Variants in FOCAD observed in about 807,000 individuals in gnomAD.
FOCAD encodes the protein focadhesin, also known as KIAA1797.
Under a neutral mutation model 225.6 loss-of-function variants are expected in FOCAD, and 198 were observed. That is an observed-to-expected ratio of 0.88 (90% CI 0.78 to 0.99). The LOEUF (loss-of-function observed/expected upper bound fraction) is 0.99. Ranked by LOEUF, FOCAD falls within the 50% of genes least tolerant of loss-of-function variation. The probability of loss-of-function intolerance (pLI) is 0.00; values close to 1 mark genes in which losing one functional copy is unlikely to be tolerated. For missense variants in FOCAD, 2,713 were observed against 2,123.6 expected (o/e 1.28, Z -5.46); for synonymous variants, 897 against 755.0 (o/e 1.19, Z -3.08).
At chr9:20,847,098 G>T (rs1827190714) in intron 15 of FOCAD, among the ~76,000 whole-genome samples, 1 of 152,028 alleles carries the variant, frequency 6.6e-6, no homozygotes, top group African/African-American at 2.4e-5. Flanking sequence ...ATACAGTTCA[G>T]CCATTTTAAT....
chr9:20,738,008 A>G (rs1394193672), intron 4 of FOCAD, among the ~76,000 whole-genome samples: 1 of 152,224 alleles, frequency 6.6e-6, no homozygotes, highest in Non-Finnish European at 1.5e-5. Context: ...ACTGGAGGAT[A>G]TAGTGGGAGA....
chr9:20,884,680 T>C (rs1830959773), intron 20 of FOCAD, among the ~76,000 whole-genome samples: 1 of 152,208 alleles, frequency 6.6e-6, no homozygotes, highest in South Asian at 2.1e-4. Context: ...CATAATTTGC[T>C]TAACAAGTTA....
At chr9:20,819,675 C>A in intron 11 of FOCAD, 121 bp from the exon 12 acceptor site, 1 of 486,544 alleles carries the variant, frequency 2.1e-6, no homozygotes, top group Non-Finnish European at 3.6e-6. Flanking sequence ...CTGATATATT[C>A]TAAGTCTTCC....
intron 35 of FOCAD, 90 bp from the exon 36 acceptor site, chr9:20,976,330 A>G: frequency 8.0e-7 from 1 of 1,256,496 alleles, no homozygotes. Flanking sequence ...AGATCCTTTG[A>G]TGCTAGAAGG....
chr9:20,663,109 G>T (rs1216518909), intron 2 of FOCAD, among the ~76,000 whole-genome samples: 1 of 152,058 alleles, frequency 6.6e-6, no homozygotes, highest in Non-Finnish European at 1.5e-5. Context: ...AATTAGGCTG[G>T]GTGTGATAGC....
Position 20,885,226 on chromosome 9 carries a change from A to G in FOCAD, c.2621A>G (p.His874Arg), listed in dbSNP as rs749274551. 3 of 1,515,590 alleles carry G rather than the reference A, an allele frequency of 2.0e-6. No homozygotes were observed. Among genetic ancestry groups the G allele is most frequent in the Non-Finnish European group, 2.7e-6 (3 of 1,129,994 alleles). 93.9% of individuals were successfully genotyped at this position (1,515,590 alleles called of 1,614,324 possible). A position where few individuals can be genotyped will look rare whatever the true frequency, so the allele number is the denominator to read the frequency against. Residue 874 changes from histidine (H) to arginine (R), a missense_variant, in exon 21 of 44, where the codon CAT (histidine) becomes CGT (arginine). Physicochemically the swap from His to Arg is conservative, Grantham distance 29. Transcript: ENST00000338382. ...AAGCAGACTTCACTTGCTCTTGTACATGAGGTAGGTTCCCGTGTCCTCTTC... is the reference window on the plus strand; with the variant it reads ...AAGCAGACTTCACTTGCTCTTGTACGTGAGGTAGGTTCCCGTGTCCTCTTC... The part of the protein sequence containing the change: ...SFKQTSLALV[H>R]EVHIQLSEWH...
chr9:20,986,345 C>G lies in FOCAD; in HGVS notation c.4786C>G (p.Pro1596Ala), dbSNP rs749470743. The G allele has an allele frequency of 6.6e-7, 1 of 1,515,882 alleles. No individual in the cohort carries two copies. Among genetic ancestry groups the G allele is most frequent in the South Asian group, 1.1e-5 (1 of 89,864 alleles). The allele number at this position is 1,515,882 out of a possible 1,614,324, so 93.9% of individuals were successfully genotyped here. A position where few individuals can be genotyped will look rare whatever the true frequency, so the allele number is the denominator to read the frequency against. Residue 1596 changes from proline to alanine, a missense_variant, in exon 40 of 44, where the codon CCC becomes GCC. By Grantham distance (27) the Pro-to-Ala change is conservative. Coordinates refer to ENST00000338382, the MANE Select transcript of FOCAD (RefSeq NM_001375567.1). ...KLYLVSQGRFPLVNLTDMLSV... is the reference protein window; with the variant it reads ...KLYLVSQGRFALVNLTDMLSV... ...GTACTTAGTCTCTCAAGGACGATTC[C>G]CCTTGGTGAACCTGACCGATATGCT...
intron 4 of FOCAD, among the ~76,000 whole-genome samples, chr9:20,722,854 C>T (rs961080219): frequency 6.6e-6 from 1 of 152,088 alleles, no homozygotes; most frequent in Non-Finnish European, 1.5e-5. Context: ...GCCCCCCACC[C>T]CACATATTTT....
At chr9:20,731,861 C>A (rs1436291858) in intron 4 of FOCAD, among the ~76,000 whole-genome samples, 2 of 152,184 alleles carry the variant, frequency 1.3e-5, no homozygotes, top group African/African-American at 4.8e-5. Flanking sequence ...AGGTGATCTT[C>A]CCGCCTCAGC....
At chr9:20,817,334 C>A (rs910122002) in intron 11 of FOCAD, among the ~76,000 whole-genome samples, 7 of 152,044 alleles carry the variant, frequency 4.6e-5, no homozygotes, top group African/African-American at 1.4e-4. Flanking sequence ...CGAAGGAAAC[C>A]CCATGCCCAT....
chr9:20,744,962 A>G (rs1387592004), intron 5 of FOCAD, among the ~76,000 whole-genome samples: 1 of 152,156 alleles, frequency 6.6e-6, no homozygotes, highest in Admixed American at 6.5e-5. Flanking sequence ...GCCACTTTCT[A>G]GTTATACTAA....
chr9:20,952,953 C>T (rs771328003), intron 34 of FOCAD, 32 bp from the exon 35 acceptor site: 14 of 1,564,860 alleles, frequency 8.9e-6, no homozygotes, highest in South Asian at 3.3e-5. Flanking sequence ...GCCAAGTTCA[C>T]TGGTTAATTT....
intron 15 of FOCAD, among the ~76,000 whole-genome samples, chr9:20,839,406 G>GCA (rs1440541948): frequency 6.6e-6 from 1 of 151,676 alleles, no homozygotes; most frequent in Non-Finnish European, 1.5e-5. Flanking sequence ...CTACAGGTGT[G>GCA]CAGACCCGTG....
intron 4 of FOCAD, 128 bp downstream of exon 4, chr9:20,720,662 A>G (rs1391457852): frequency 2.7e-5 from 24 of 881,514 alleles, no homozygotes; most frequent in Non-Finnish European, 3.5e-5. Flanking sequence ...AAATGTCATG[A>G]GTTGCTGTTT....
chr9:20,657,989 T>C (rs1245111756), upstream of FOCAD, among the ~76,000 whole-genome samples: 1 of 142,936 alleles, frequency 7.0e-6, no homozygotes, highest in Non-Finnish European at 1.5e-5. Context: ...TTAGTTTTCC[T>C]TCTAACAGAC....
At chr9:20,902,123 G>C (rs1201389585) in intron 21 of FOCAD, among the ~76,000 whole-genome samples, 1 of 151,858 alleles carries the variant, frequency 6.6e-6, no homozygotes, top group Non-Finnish European at 1.5e-5. Flanking sequence ...ACACTTATGT[G>C]CAAGACACTG....
At chr9:20,775,683 G>T (rs1482646515) in intron 8 of FOCAD, among the ~76,000 whole-genome samples, 1 of 152,126 alleles carries the variant, frequency 6.6e-6, no homozygotes, top group African/African-American at 2.4e-5. Context: ...TTTGTCCACA[G>T]TGGCATTCGT....
intron 5 of FOCAD, among the ~76,000 whole-genome samples, chr9:20,743,307 TTC>T (rs1827778783): frequency 6.6e-6 from 1 of 152,202 alleles, no homozygotes; most frequent in Non-Finnish European, 1.5e-5. Flanking sequence ...AGTGTAAGCT[TTC>T]TGAGCATGCA....
At chr9:20,953,092 A>G (rs755864830) in intron 35 of FOCAD, 27 bp downstream of exon 35, 1 of 1,546,250 alleles carries the variant, frequency 6.5e-7, no homozygotes, top group Non-Finnish European at 8.9e-7. Flanking sequence ...CTTGAATTTT[A>G]TCATTCTATC....
Sources: allele counts gnomAD v4.1 joint callset (sites outside exome capture counted in the v4.1 genomes callset), GRCh38; gene constraint gnomAD v4.1.1; transcripts MANE v1.5; gene names NCBI Gene and HGNC (gene_info 2026-07-23, HGNC 2026-07-21).